Variants in ROBO2 observed in about 807,000 individuals in gnomAD.
ROBO2 encodes the protein roundabout homolog 2.
In ROBO2, 53 loss-of-function variants were observed where a neutral mutation model predicts 160.8. The observed-to-expected ratio is 0.33, with a 90% CI of 0.26 to 0.41. The LOEUF is 0.41. Ranked by LOEUF, ROBO2 falls within the 10% of genes least tolerant of loss-of-function variation. The probability of loss-of-function intolerance (pLI) is 1.00; values close to 1 mark genes in which losing one functional copy is unlikely to be tolerated. For synonymous variants in ROBO2, 664 were observed against 611.7 expected, an observed-to-expected ratio of 1.09 and a Z score of -1.26; for missense variants, 1,577 against 1,722.4, an observed-to-expected ratio of 0.92 and a Z score of 1.49.
chr3:77,552,530 A>G (rs2092956811), intron 8 of ROBO2, among the ~76,000 whole-genome samples: 1 of 152,040 alleles, frequency 6.6e-6, no homozygotes, highest in African/African-American at 2.4e-5. Flanking sequence ...ATATTACAAA[A>G]CAGTAGTTAG....
At chr3:76,683,794 C>T (rs1023064083) in intron 2 of ROBO2, among the ~76,000 whole-genome samples, 4 of 151,946 alleles carry the variant, frequency 2.6e-5, no homozygotes, top group Admixed American at 6.6e-5. Flanking sequence ...TTTGACTAAA[C>T]GGAGAAGTTA....
chr3:76,003,663 A>T (rs2065947466), intron 2 of ROBO2, among the ~76,000 whole-genome samples: 1 of 152,198 alleles, frequency 6.6e-6, no homozygotes, highest in Admixed American at 6.5e-5. Context: ...GTATTCCCAG[A>T]TGGGGCAGCC....
intron 2 of ROBO2, among the ~76,000 whole-genome samples, chr3:76,371,852 G>T (rs1194323653): frequency 2.6e-5 from 4 of 151,710 alleles, no homozygotes; most frequent in African/African-American, 9.7e-5. Context: ...ATTCCCTTAG[G>T]TTTTCCATAA....
At chr3:77,405,198 A>G (rs2076160625) in intron 2 of ROBO2, among the ~76,000 whole-genome samples, 1 of 152,174 alleles carries the variant, frequency 6.6e-6, no homozygotes, top group African/African-American at 2.4e-5. Flanking sequence ...AGAACTTACA[A>G]CTAAATGGAC....
intron 2 of ROBO2, among the ~76,000 whole-genome samples, chr3:77,305,736 CA>C (rs996459591): frequency 3.3e-5 from 5 of 151,988 alleles, no homozygotes; most frequent in East Asian, 1.9e-4. Flanking sequence ...GAAAACAAAC[CA>C]AAAAAATCTT....
intron 2 of ROBO2, among the ~76,000 whole-genome samples, chr3:77,309,147 T>C (rs1486683547): frequency 6.6e-6 from 1 of 151,994 alleles, no homozygotes; most frequent in East Asian, 1.9e-4. Flanking sequence ...ACCACTGGCT[T>C]AAAATCTAAG....
At chr3:76,722,418 C>A (rs574834060) in intron 2 of ROBO2, among the ~76,000 whole-genome samples, 1 of 152,234 alleles carries the variant, frequency 6.6e-6, no homozygotes, top group Non-Finnish European at 1.5e-5. Flanking sequence ...CCGCACCTGG[C>A]CAAAACTTTG....
At chr3:76,683,647 A>C (rs2092620970) in intron 2 of ROBO2, among the ~76,000 whole-genome samples, 1 of 152,118 alleles carries the variant, frequency 6.6e-6, no homozygotes, top group African/African-American at 2.4e-5. Context: ...TATATTTGAA[A>C]TAGTTTTTAA....
intron 1 of ROBO2, among the ~76,000 whole-genome samples, chr3:77,071,034 A>AT (rs1388474867): frequency 3.3e-5 from 5 of 152,136 alleles, no homozygotes; most frequent in Non-Finnish European, 7.3e-5. Flanking sequence ...TTACTCATAT[A>AT]TTTATATGAG....
At chr3:77,066,632 T>C (rs778363375) in intron 1 of ROBO2, among the ~76,000 whole-genome samples, 21 of 152,146 alleles carry the variant, frequency 1.4e-4, no homozygotes, top group Non-Finnish European at 1.8e-4. Flanking sequence ...TAGAGGTATA[T>C]ATGTTAATGT....
intron 18 of ROBO2, 22 bp downstream of exon 19, chr3:77,595,206 A>G: frequency 6.3e-7 from 1 of 1,582,544 alleles, no homozygotes. Context: ...AGATTGTTTC[A>G]TTATTATTTT....
intron 2 of ROBO2, among the ~76,000 whole-genome samples, chr3:76,211,716 A>G (rs1703155627): frequency 6.6e-6 from 1 of 152,022 alleles, no homozygotes; most frequent in Non-Finnish European, 1.5e-5. Flanking sequence ...AAGTGTATAC[A>G]TTTTTTGTAC....
At chr3:77,366,360 C>G (rs1032221324) in intron 2 of ROBO2, among the ~76,000 whole-genome samples, 5 of 151,942 alleles carry the variant, frequency 3.3e-5, no homozygotes, top group African/African-American at 9.7e-5. Flanking sequence ...GAGTGAGGCT[C>G]TCATGAAGGG....
chr3:76,606,692 C>T (rs1327015952), intron 2 of ROBO2, among the ~76,000 whole-genome samples: 1 of 151,424 alleles, frequency 6.6e-6, no homozygotes, highest in African/African-American at 2.4e-5. Context: ...TCTTTCTTTA[C>T]TTGTTTATAT....
chr3:76,472,408 G>A lies in ROBO2; in HGVS notation c.109+534806G>A, dbSNP rs75642438. On this transcript the variant is annotated intron_variant, in intron 2 of 26. Coordinates refer to the ROBO2 transcript ENST00000487694. The stretch of plus-strand genomic sequence containing the variant: ...AATAATATTATTCTGAGAAACAGAA[G>A]TGCAGATCTGTAAAAGAAATTTGTT... Among the ~76,000 whole-genome samples the A allele has an allele frequency of 6.9e-3, 1,045 of 152,090 alleles. 12 individuals carry two copies. The highest frequency in any genetic ancestry group is 0.024 in the African/African-American group (980 of 41,504).
intron 2 of ROBO2, among the ~76,000 whole-genome samples, chr3:76,248,031 A>C (rs1320492566): frequency 6.6e-6 from 1 of 151,938 alleles, no homozygotes; most frequent in Non-Finnish European, 1.5e-5. Flanking sequence ...GAACACTTTT[A>C]CACTGTTGGT....
rs549943651 is a variant in ROBO2, at chr3:77,345,418, G to A, written c.389-131996G>A. The stretch of plus-strand genomic sequence containing the variant: ...TTCAAGGTGAGAGGGGTCTACATGA[G>A]GACATGAATACCAGGAGATGGAGAT... On this transcript the variant is annotated intron_variant, in intron 2 of 25. Coordinates refer to ENST00000461745, the Ensembl canonical transcript of ROBO2. Among the ~76,000 whole-genome samples, 3 of 152,244 alleles carry A rather than the reference G, an allele frequency of 2.0e-5. No homozygotes were observed. The South Asian group carries it at 6.2e-4, about 32-fold the overall frequency.
chr3:77,066,470 A>G (rs1016541111), intron 1 of ROBO2, among the ~76,000 whole-genome samples: 7 of 152,122 alleles, frequency 4.6e-5, no homozygotes, highest in Non-Finnish European at 1.0e-4. Flanking sequence ...GTCTAATCAT[A>G]TAATTTCTTT....
In ROBO2 at chr3:77,555,236, C is replaced by T. The variant is rs117583132; in HGVS notation, c.1232-2708C>T. On this transcript the variant is annotated intron_variant, in intron 8 of 25. Transcript: ENST00000461745. The stretch of plus-strand genomic sequence containing the variant: ...GAATAGTGTAAACATAGCTTTTATA[C>T]GCACTGGGAAAAAAAATTTGTGTGG... 3.1e-3 allele frequency among the ~76,000 whole-genome samples: 473 copies of T among 151,922 alleles called. 5 individuals are homozygous for T. Among genetic ancestry groups the T allele is most frequent in the East Asian group, 0.016 (81 of 5,150 alleles).
Sources: gnomAD v4.1 joint callset for allele counts (sites outside exome capture counted in the v4.1 genomes callset) on GRCh38, gnomAD v4.1.1 for gene constraint, MANE v1.5 for transcripts, NCBI Gene and HGNC (gene_info 2026-07-23, HGNC 2026-07-21) for gene names.